VPS72: variants seen among roughly 807,000 people sequenced by gnomAD.
The protein encoded by VPS72 is vacuolar protein sorting-associated protein 72 homolog.
VPS72 carries 27 observed loss-of-function variants against 38.9 expected under a neutral mutation model. That is an observed-to-expected ratio of 0.69 (90% CI 0.51 to 0.96). VPS72 has a LOEUF of 0.96. VPS72 is among the 40% of genes least tolerant of loss of function. The pLI is 0.00. For synonymous variants in VPS72, 173 were observed against 186.3 expected (o/e 0.93, Z 0.58); for missense variants, 360 against 479.5 (o/e 0.75, Z 2.33).
intron 4 of VPS72, 107 bp downstream of exon 4, chr1:151,184,210 C>T: frequency 6.9e-7 from 1 of 1,439,632 alleles, no homozygotes; most frequent in Non-Finnish European, 9.4e-7. Context: ...CTTCTGATTC[C>T]ATCATCCCAA....
In VPS72 at chr1:151,176,614, G is replaced by A. The variant is rs964764780; in HGVS notation, c.*30C>T. On this transcript the variant is annotated 3_prime_UTR_variant, in exon 6 of 6. Coordinates refer to ENST00000368892, the MANE Select transcript of VPS72 (RefSeq NM_005997.3). ...ACAGCAAGAGCCCCAATCAGGGCAG[G>A]AAAGAAGTTTCTGAGGACTAGACAT... 2 of 1,606,102 alleles carry A rather than the reference G, an allele frequency of 1.2e-6. No individual in the cohort carries two copies. Among genetic ancestry groups the A allele is most frequent in the Non-Finnish European group, 1.7e-6 (2 of 1,175,948 alleles).
chr1:151,184,590 C>CTTTT, intron 3 of VPS72, 97 bp from the exon 4 acceptor site: 3 of 1,019,014 alleles, frequency 2.9e-6, no homozygotes, highest in Non-Finnish European at 3.9e-6. Context: ...ATTTTTTTTT[C>CTTTT]TTTTTTTTTT....
At chr1:151,182,135 C>T (rs954674116) in intron 4 of VPS72, among the ~76,000 whole-genome samples, 7 of 152,206 alleles carry the variant, frequency 4.6e-5, no homozygotes, top group Admixed American at 1.3e-4. Context: ...TCAAGTGATT[C>T]TCCTGCCTCA....
Position 151,186,896 on chromosome 1 carries a change from C to T in VPS72, c.118-946G>A, listed in dbSNP as rs766268155. Among the ~76,000 whole-genome samples, 17 of 152,330 alleles carry T rather than the reference C, an allele frequency of 1.1e-4. 2 individuals are homozygous for T. Among genetic ancestry groups the T allele is most frequent in the African/African-American group, 4.1e-4 (17 of 41,560 alleles). On this transcript the variant is annotated intron_variant, in intron 1 of 5. Transcript: ENST00000368892. ...TCACACTAATAAACACGCTTTTAAC[C>T]TGCAGGCCAGTGATTCTCAATCCCC...
chr1:151,186,250 CT>C (rs977980396), intron 1 of VPS72, among the ~76,000 whole-genome samples: 102 of 146,868 alleles, frequency 6.9e-4, no homozygotes, highest in Non-Finnish European at 5.9e-4. Flanking sequence ...CATAATCTTA[CT>C]TTTTTTTTTT....
At chr1:151,187,480 T>C (rs587657837) in intron 1 of VPS72, among the ~76,000 whole-genome samples, 1 of 152,342 alleles carries the variant, frequency 6.6e-6, no homozygotes, top group African/African-American at 2.4e-5. Context: ...TATTAAGCCA[T>C]ATCACCAGAG....
Position 151,176,924 on chromosome 1 carries a change from GCAT to G in VPS72, c.812_814del (p.Asp271del). 1 of 1,613,912 alleles carries G rather than the reference GCAT, an allele frequency of 6.2e-7. No homozygotes were observed. The highest frequency in any genetic ancestry group is 8.5e-7 in the Non-Finnish European group (1 of 1,179,862). On this transcript the variant is annotated inframe_deletion, in exon 6 of 6. Coordinates refer to ENST00000368892, the MANE Select transcript of VPS72 (RefSeq NM_005997.3). ...TTGGGGGAACCATTCCTCGAAAGTT[GCAT>G]CATCACTAAAAGTGATGAAGGTACG...
At chr1:151,188,046 GTT>G (rs756901934) in intron 1 of VPS72, among the ~76,000 whole-genome samples, 1 of 142,578 alleles carries the variant, frequency 7.0e-6, no homozygotes, top group Non-Finnish European at 1.5e-5. Flanking sequence ...AGTGATGTGG[GTT>G]TTTTTTTTTT....
At chr1:151,178,921 C>T (rs938274988) in intron 4 of VPS72, among the ~76,000 whole-genome samples, 3 of 152,080 alleles carry the variant, frequency 2.0e-5, no homozygotes, top group Non-Finnish European at 2.9e-5. Flanking sequence ...CTCATATTGC[C>T]TAAATATTAT....
rs150864189 is a variant in VPS72 at position 151,176,789 on chromosome 1, T to C, written c.950A>G (p.Lys317Arg). Residue 317 changes from lysine (K) to arginine (R), a missense_variant, in exon 6 of 6, where the codon AAG becomes AGG. Around this residue, in one of 2 missense-constraint regions of VPS72, gnomAD observed 294 missense variants for 356.3 expected, o/e 0.83. Coordinates refer to ENST00000368892, the MANE Select transcript of VPS72 (RefSeq NM_005997.3). ...CTTCTTGTAAGCCTCACGAATGATC[T>C]TGAAGGCTCGAGCAGTGGCATAGGG... ...DIPYATARAFKIIREAYKKYI... is the reference protein window; with the variant it reads ...DIPYATARAFRIIREAYKKYI... The C allele has an allele frequency of 2.4e-4, 385 of 1,614,030 alleles. No individual in the cohort carries two copies. The highest frequency in any genetic ancestry group is 3.2e-4 in the Non-Finnish European group (375 of 1,180,036).
rs751640955 is a variant in VPS72 at position 151,185,551 on chromosome 1, CTT to C, written c.338_339del (p.Glu113GlyfsTer12). ...AGTTCTAATGGCAGTAGTGCCTTCT[CTT>C]CTCGCGCCTTCTGAGAGCTACCAGC... is the stretch of plus-strand genomic sequence containing the variant. ...TPAGSSQKAREEKALLPLELQ... is the reference protein window; with the variant it reads ...TPAGSSQKARXEKALLPLELQ... On this transcript the variant is annotated frameshift_variant, in exon 3 of 6. Transcript: ENST00000368892. LOFTEE classifies it high-confidence loss of function. 3 of 1,614,216 alleles carry C rather than the reference CTT, an allele frequency of 1.9e-6. No individual in the cohort carries two copies. The highest frequency in any genetic ancestry group is 2.5e-6 in the Non-Finnish European group (3 of 1,180,040).
chr1:151,189,980 C>T (rs760419947), intron 1 of VPS72, 25 bp downstream of exon 1: 2 of 1,612,998 alleles, frequency 1.2e-6, no homozygotes, highest in African/African-American at 1.3e-5. Context: ...CTCCTCCCCT[C>T]CCTTTTCCCA....
At chr1:151,186,008 G>A (rs765115950) in intron 1 of VPS72, 58 bp from the exon 2 acceptor site, 1 of 1,589,732 alleles carries the variant, frequency 6.3e-7, no homozygotes, top group Admixed American at 1.7e-5. Flanking sequence ...GCCCCTTCAG[G>A]AGGAACAGAA....
chr1:151,179,097 C>T (rs1015132349), intron 4 of VPS72, among the ~76,000 whole-genome samples: 1 of 151,188 alleles, frequency 6.6e-6, no homozygotes, highest in African/African-American at 2.4e-5. Flanking sequence ...GCCTGACCAA[C>T]ATGGTGAAAC....
At position 151,176,834 on chromosome 1, in the gene VPS72, C is replaced by T. The variant is rs377377226; in HGVS notation, c.905G>A (p.Arg302Gln). ...ATAGGGTATGTCTGTAACAGGGTCC[C>T]GGTATAGGGCTGGACGATGGGTCAC... is the stretch of plus-strand genomic sequence containing the variant. ...CPVTHRPALYRDPVTDIPYAT... is the reference protein window; with the variant it reads ...CPVTHRPALYQDPVTDIPYAT... The change falls in exon 6 of 6, where the codon CGG becomes CAG. Residue 302 changes from arginine to glutamine, a missense_variant. By Grantham distance (43) the Arg-to-Gln change is conservative (BLOSUM62 1). Transcript: ENST00000368892. The T allele has an allele frequency of 2.0e-5, 32 of 1,613,962 alleles. No homozygotes were observed. Among genetic ancestry groups the T allele is most frequent in the African/African-American group, 2.7e-5 (2 of 74,872 alleles).
intron 1 of VPS72, among the ~76,000 whole-genome samples, chr1:151,186,457 G>T (rs1227081302): frequency 2.0e-5 from 3 of 152,074 alleles, no homozygotes; most frequent in South Asian, 4.1e-4. Context: ...TACTTGGGAG[G>T]TTGAGGCAGG....
chr1:151,176,670 AGGCTCGG>A lies in VPS72; in HGVS notation c.1062_1068del (p.Arg355CysfsTer44). On this transcript the variant is annotated frameshift_variant, in exon 6 of 6. Coordinates refer to ENST00000368892, the MANE Select transcript of VPS72 (RefSeq NM_005997.3). LOFTEE classifies it high-confidence loss of function. ...CATTTAATGACAATTTTCTGGCGCA[AGGCTCGG>A]GGCCCAGAGCCAGGGAGGGGCTCAG... is the stretch of plus-strand genomic sequence containing the variant. The A allele has an allele frequency of 6.2e-7, 1 of 1,613,910 alleles. No individual in the cohort carries two copies. The highest frequency in any genetic ancestry group is 8.5e-7 in the Non-Finnish European group (1 of 1,179,946).
chr1:151,180,305 C>CA (rs1223562180), intron 4 of VPS72, among the ~76,000 whole-genome samples: 2 of 148,264 alleles, frequency 1.3e-5, no homozygotes, highest in Non-Finnish European at 3.0e-5. Flanking sequence ...GGTGACAGAG[C>CA]AAGACTCCGT....
chr1:151,176,814 G>T lies in VPS72; in HGVS notation c.925C>A (p.Pro309Thr), dbSNP rs749943156. The T allele has an allele frequency of 5.0e-6, 8 of 1,614,186 alleles. No homozygotes were observed. Among genetic ancestry groups the T allele is most frequent in the Non-Finnish European group, 6.8e-6 (8 of 1,180,026 alleles). ...ALYRDPVTDI[P>T]YATARAFKII... ...TTGAAGGCTCGAGCAGTGGCATAGGGTATGTCTGTAACAGGGTCCCGGTAT... is the reference window on the plus strand; with the variant it reads ...TTGAAGGCTCGAGCAGTGGCATAGGTTATGTCTGTAACAGGGTCCCGGTAT... The change falls in exon 6 of 6, where the codon CCC becomes ACC. Residue 309 changes from proline to threonine, a missense_variant. Coordinates refer to ENST00000368892, the MANE Select transcript of VPS72 (RefSeq NM_005997.3).
Sources: allele counts gnomAD v4.1 joint callset (sites outside exome capture counted in the v4.1 genomes callset), GRCh38; gene constraint gnomAD v4.1.1; regional missense constraint gnomAD v4.1.1; transcripts MANE v1.5; gene names NCBI Gene and HGNC (gene_info 2026-07-23, HGNC 2026-07-21).